GLIS3: variants seen among roughly 807,000 people sequenced by gnomAD.
The protein encoded by GLIS3 is GLIS family zinc finger 3.
In GLIS3, 53 loss-of-function variants were observed where a neutral mutation model predicts 78.6. That is an observed-to-expected ratio of 0.67 (90% CI 0.54 to 0.85). The LOEUF (loss-of-function observed/expected upper bound fraction) is 0.85. Among genes scored for constraint, GLIS3 ranks in the 40% least tolerant of loss-of-function variants. The probability of loss-of-function intolerance (pLI) is 0.00; values close to 1 mark genes in which losing one functional copy is unlikely to be tolerated. For synonymous variants in GLIS3, 684 were observed against 509.9 expected (o/e 1.34, Z -4.60); for missense variants, 1,703 against 1,231.1 (o/e 1.38, Z -5.74).
chr9:4,332,431 G>C (rs1028945834), intron 2 of GLIS3, among the ~76,000 whole-genome samples: 15 of 152,168 alleles, frequency 9.9e-5, no homozygotes, highest in African/African-American at 2.9e-4. Context: ...CCTTATAGCT[G>C]AGTATGGCCA....
intron 2 of GLIS3, among the ~76,000 whole-genome samples, chr9:4,162,109 A>C (rs1835525715): frequency 6.6e-6 from 1 of 151,738 alleles, no homozygotes; most frequent in Non-Finnish European, 1.5e-5. Flanking sequence ...ACCATCCCTC[A>C]GTTTATAGAT....
chr9:3,923,157 T>C (rs906295403), intron 6 of GLIS3, among the ~76,000 whole-genome samples: 2 of 152,224 alleles, frequency 1.3e-5, no homozygotes, highest in Non-Finnish European at 2.9e-5. Flanking sequence ...ACCAAACTAA[T>C]TGCCTTGTCT....
At chr9:4,457,656 G>A in the GLIS3 span, among the ~76,000 whole-genome samples, 1 of 151,690 alleles carries the variant, frequency 6.6e-6, no homozygotes, top group Admixed American at 6.6e-5. Context: ...GACCATCCTG[G>A]CCAACATGGT....
chr9:4,021,038 G>A (rs1333962797), intron 4 of GLIS3, among the ~76,000 whole-genome samples: 2 of 152,220 alleles, frequency 1.3e-5, no homozygotes, highest in African/African-American at 4.8e-5. Flanking sequence ...AACAGGAACT[G>A]AGCATCTGCA....
intron 4 of GLIS3, among the ~76,000 whole-genome samples, chr9:4,055,670 TA>T (rs1228321028): frequency 6.6e-6 from 1 of 152,178 alleles, no homozygotes; most frequent in Non-Finnish European, 1.5e-5. Flanking sequence ...ATGATGGTGT[TA>T]TCACTTTCAA....
the GLIS3 span, among the ~76,000 whole-genome samples, chr9:4,394,856 C>G: frequency 4.6e-5 from 7 of 152,324 alleles, no homozygotes; most frequent in East Asian, 3.9e-4. Flanking sequence ...ATAGCCTTGT[C>G]TAACTATTAT....
intron 4 of GLIS3, among the ~76,000 whole-genome samples, chr9:3,978,336 G>C (rs1010870641): frequency 4.6e-5 from 7 of 151,762 alleles, no homozygotes; most frequent in African/African-American, 1.7e-4. Flanking sequence ...TTAGTATATA[G>C]AAACTATTAC....
chr9:3,928,228 G>C (rs548594477), intron 6 of GLIS3, among the ~76,000 whole-genome samples: 2 of 152,324 alleles, frequency 1.3e-5, no homozygotes, highest in South Asian at 4.1e-4. Context: ...ATATGTCTGT[G>C]ATATGTGCCT....
At chr9:4,293,316 G>A (rs546129625) in intron 1 of GLIS3, among the ~76,000 whole-genome samples, 2 of 152,286 alleles carry the variant, frequency 1.3e-5, no homozygotes, top group African/African-American at 2.4e-5. Flanking sequence ...CATCACACAT[G>A]TAACTGAGTG....
At chr9:4,427,379 G>A in the GLIS3 span, among the ~76,000 whole-genome samples, 1 of 152,118 alleles carries the variant, frequency 6.6e-6, no homozygotes, top group Non-Finnish European at 1.5e-5. Context: ...TGTGGTAAGG[G>A]GTGGGAATCA....
the GLIS3 span, among the ~76,000 whole-genome samples, chr9:4,384,981 G>A: frequency 6.6e-6 from 1 of 152,194 alleles, no homozygotes; most frequent in South Asian, 2.1e-4. Context: ...GCTTCATAAT[G>A]TTGCCCAACA....
intron 6 of GLIS3, among the ~76,000 whole-genome samples, chr9:3,923,588 T>A (rs1203180092): frequency 6.6e-6 from 1 of 151,304 alleles, no homozygotes; most frequent in East Asian, 1.9e-4. Context: ...AAGGTGTTTT[T>A]TTTTTCTCTA....
chr9:4,218,035 G>A (rs140394825), intron 2 of GLIS3, among the ~76,000 whole-genome samples: 59 of 152,284 alleles, frequency 3.9e-4, no homozygotes, highest in African/African-American at 1.4e-3. Context: ...TGCTACAAAA[G>A]AGATAGCATA....
chr9:4,373,285 T>G, the GLIS3 span, among the ~76,000 whole-genome samples: 1 of 98,222 alleles, frequency 1.0e-5, no homozygotes, highest in Admixed American at 1.2e-4. Context: ...CCAGGTCCCC[T>G]TCACCTAAAT....
chr9:3,960,457 G>T (rs1398473777), intron 4 of GLIS3, among the ~76,000 whole-genome samples: 5 of 152,306 alleles, frequency 3.3e-5, no homozygotes, highest in African/African-American at 1.2e-4. Context: ...ATCTGGAATT[G>T]TCTGGTTTAT....
At chr9:3,905,164 C>CTTTTTTTT (rs1563834122) in intron 6 of GLIS3, among the ~76,000 whole-genome samples, 1 of 133,354 alleles carries the variant, frequency 7.5e-6, no homozygotes, top group Non-Finnish European at 1.6e-5. Context: ...TTTTTTTTTG[C>CTTTTTTTT]TATTTTTAGT....
intron 2 of GLIS3, among the ~76,000 whole-genome samples, chr9:4,172,956 C>A (rs1452770673): frequency 6.6e-6 from 1 of 152,116 alleles, no homozygotes; most frequent in South Asian, 2.1e-4. Context: ...CCGAGAAAAG[C>A]CAAATTCTGA....
chr9:4,096,554 G>A (rs1440125190), intron 4 of GLIS3, among the ~76,000 whole-genome samples: 1 of 152,158 alleles, frequency 6.6e-6, no homozygotes, highest in African/African-American at 2.4e-5. Flanking sequence ...GTGGCTGAAG[G>A]ACTAAATTAA....
the GLIS3 span, among the ~76,000 whole-genome samples, chr9:4,489,826 C>T: frequency 6.6e-6 from 1 of 152,196 alleles, no homozygotes; most frequent in African/African-American, 2.4e-5. Context: ...TCTCCTTGTG[C>T]AGGGAACACT....
Sources: allele counts gnomAD v4.1 joint callset (sites outside exome capture counted in the v4.1 genomes callset), GRCh38; gene constraint gnomAD v4.1.1; transcripts MANE v1.5; gene names NCBI Gene and HGNC (gene_info 2026-07-23, HGNC 2026-07-21).